Variants in BASP1 observed in about 807,000 individuals in gnomAD.
The protein encoded by BASP1 is brain acid soluble protein 1.
A neutral mutation model predicts 2.2 loss-of-function variants in BASP1; 1 was observed. That is an observed-to-expected ratio of 0.46 (90% CI 0.16 to 2.17). BASP1 has a LOEUF of 2.17. Among genes scored for constraint, BASP1 ranks in the 30% most tolerant of loss-of-function variants. The pLI, the probability that BASP1 is intolerant of heterozygous loss-of-function variation, is 0.27. For synonymous variants in BASP1, 187 were observed against 154.2 expected (o/e 1.21, Z -1.58); for missense variants, 352 against 327.2 (o/e 1.08, Z -0.58).
chr5:17,223,528 C>T lies in BASP1; in HGVS notation c.-10+5718C>T, dbSNP rs561924159. Among the ~76,000 whole-genome samples, 7 of 152,328 alleles carry T rather than the reference C, an allele frequency of 4.6e-5. No individual in the cohort carries two copies. The East Asian group carries it at 1.3e-3, about 29-fold the overall frequency. Reference sequence around the variant, plus strand: ...TAGAAGTCTGCGGTTTAGAAAACTCCTCCAGGTGTGGTTAAGAATACGCTA... The same window carrying T: ...TAGAAGTCTGCGGTTTAGAAAACTCTTCCAGGTGTGGTTAAGAATACGCTA... On this transcript the variant is annotated intron_variant, in intron 1 of 1. Transcript: ENST00000322611.
intron 1 of BASP1, among the ~76,000 whole-genome samples, chr5:17,222,466 G>C (rs1739410013): frequency 6.6e-6 from 1 of 152,182 alleles, no homozygotes; most frequent in Non-Finnish European, 1.5e-5. Flanking sequence ...CAGACGTCTA[G>C]GTAAGTGTCA....
At chr5:17,256,611 C>T (rs745818107) in intron 1 of BASP1, among the ~76,000 whole-genome samples, 1 of 152,312 alleles carries the variant, frequency 6.6e-6, no homozygotes, top group Admixed American at 6.5e-5. Context: ...GGGAGGTTAA[C>T]AGTGGCTTGT....
At chr5:17,271,688 T>C (rs1291059035) in intron 1 of BASP1, among the ~76,000 whole-genome samples, 1 of 152,220 alleles carries the variant, frequency 6.6e-6, no homozygotes, top group Non-Finnish European at 1.5e-5. Flanking sequence ...GCTGTATTTT[T>C]TTAACTGCTT....
chr5:17,224,346 T>C (rs918852070), intron 1 of BASP1, among the ~76,000 whole-genome samples: 1 of 148,912 alleles, frequency 6.7e-6, no homozygotes, highest in Non-Finnish European at 1.5e-5. Context: ...GATATAGTGG[T>C]TATGTCTTTT....
chr5:17,241,451 T>C (rs551861631), intron 1 of BASP1, among the ~76,000 whole-genome samples: 38 of 152,290 alleles, frequency 2.5e-4, no homozygotes, highest in Non-Finnish European at 3.4e-4. Context: ...ATTCTATTAT[T>C]ATCCCATTGT....
chr5:17,216,856 C>A (rs1217237029), upstream of BASP1: 1 of 152,506 alleles, frequency 6.6e-6, no homozygotes, highest in African/African-American at 2.4e-5. This position sits in a 1 kb window ranked among gnomAD's most constrained non-coding sequence, Gnocchi z 6.4. Flanking sequence ...AGCCCAGACG[C>A]GCCTGCAGCT....
rs746297820 is a variant in BASP1 at position 17,260,616 on chromosome 5, G to A, written c.-9-14592G>A. ...GATTTTTTTCTACTGCTGGTGAAAG[G>A]TAAGTTACATAACCCAACTTCTAGT... On this transcript the variant is annotated intron_variant, in intron 1 of 1. Coordinates refer to ENST00000322611, the MANE Select transcript of BASP1 (RefSeq NM_006317.5). This position sits in a 1 kb window ranked among gnomAD's most constrained non-coding sequence, Gnocchi z 4.2. 3.3e-5 allele frequency among the ~76,000 whole-genome samples: 5 copies of A among 152,064 alleles called. No homozygotes were observed. The highest frequency in any genetic ancestry group is 4.8e-5 in the African/African-American group (2 of 41,406).
chr5:17,269,926 TTTCTC>T (rs2126520245), intron 1 of BASP1, among the ~76,000 whole-genome samples: 1 of 152,318 alleles, frequency 6.6e-6, no homozygotes, highest in South Asian at 2.1e-4. Context: ...TCAAAACACT[TTTCTC>T]TTGTTTCCTT....
chr5:17,248,532 T>C (rs1740039472), intron 1 of BASP1, among the ~76,000 whole-genome samples: 1 of 152,220 alleles, frequency 6.6e-6, no homozygotes, highest in Middle Eastern at 3.2e-3. Flanking sequence ...GACATGACTC[T>C]CGGGTATGCT....
chr5:17,217,978 T>G (rs1739297908), intron 1 of BASP1, among the ~76,000 whole-genome samples, 168 bp downstream of exon 1: 1 of 151,736 alleles, frequency 6.6e-6, no homozygotes, highest in South Asian at 2.1e-4. Context: ...CTGTGAGGGC[T>G]CCGTCGCACT....
chr5:17,262,659 T>A (rs1052157190), intron 1 of BASP1, among the ~76,000 whole-genome samples: 1 of 152,232 alleles, frequency 6.6e-6, no homozygotes, highest in African/African-American at 2.4e-5. Flanking sequence ...CTGATCCTGA[T>A]CTCAACTAAT....
chr5:17,222,995 C>T (rs908053321), intron 1 of BASP1, among the ~76,000 whole-genome samples: 1 of 151,968 alleles, frequency 6.6e-6, no homozygotes, highest in African/African-American at 2.4e-5. Context: ...ACAATATTTT[C>T]CCCTTATCAC....
rs146517015 is a variant in BASP1 at position 17,272,828 on chromosome 5, T to C, written c.-9-2380T>C. Reference sequence around the variant, plus strand: ...TAAAACAAAGAATAGAATGTGGCCTTAACTATGTGTCAGAAAAGCCAGTTT... The same window carrying C: ...TAAAACAAAGAATAGAATGTGGCCTCAACTATGTGTCAGAAAAGCCAGTTT... On this transcript the variant is annotated intron_variant, in intron 1 of 1. Coordinates refer to ENST00000322611, the MANE Select transcript of BASP1 (RefSeq NM_006317.5). Among the ~76,000 whole-genome samples the C allele has an allele frequency of 3.2e-3, 485 of 152,332 alleles. 9 individuals are homozygous for C. The highest frequency in any genetic ancestry group is 1.4e-3 in the Non-Finnish European group (92 of 68,032).
At chr5:17,269,548 C>T (rs1740490166) in intron 1 of BASP1, among the ~76,000 whole-genome samples, 1 of 152,212 alleles carries the variant, frequency 6.6e-6, no homozygotes, top group Admixed American at 6.5e-5. Flanking sequence ...CTTCTCTCTT[C>T]ACCGAAAAGC....
intron 1 of BASP1, among the ~76,000 whole-genome samples, chr5:17,225,293 C>A (rs1243108208): frequency 4.0e-5 from 6 of 151,792 alleles, no homozygotes; most frequent in African/African-American, 1.2e-4. Flanking sequence ...CAGTCTGGAT[C>A]CTATATCCGT....
Position 17,276,748 on chromosome 5 carries a change from A to AC in BASP1, c.*848_*849insC, listed in dbSNP as rs1032502575. 13 of 166,686 alleles carry AC rather than the reference A, an allele frequency of 7.8e-5. No homozygotes were observed. The highest frequency in any genetic ancestry group is 4.2e-4 in the South Asian group (2 of 4,800). 10.3% of individuals were successfully genotyped at this position (166,686 alleles called of 1,614,324 possible). A position where few individuals can be genotyped will look rare whatever the true frequency, so the allele number is the denominator to read the frequency against. ...AAATGGAAAAAAAAAACAAAAAAAAAACAAAAAAATGTACAATGGATGCAT... is the reference window on the plus strand; with the variant it reads ...AAATGGAAAAAAAAAACAAAAAAAAACACAAAAAAATGTACAATGGATGCAT... On this transcript the variant is annotated 3_prime_UTR_variant, in exon 2 of 2. Coordinates refer to ENST00000322611, the MANE Select transcript of BASP1 (RefSeq NM_006317.5).
chr5:17,256,306 T>A (rs1740208782), intron 1 of BASP1, among the ~76,000 whole-genome samples: 1 of 152,254 alleles, frequency 6.6e-6, no homozygotes, highest in Non-Finnish European at 1.5e-5. Flanking sequence ...TGTCAGAATT[T>A]AGCTCACAGG....
At chr5:17,229,482 A>G (rs1739577438) in intron 1 of BASP1, among the ~76,000 whole-genome samples, 1 of 152,210 alleles carries the variant, frequency 6.6e-6, no homozygotes, top group Non-Finnish European at 1.5e-5. Context: ...AGTACAATAC[A>G]GGAAGCAAAA....
At chr5:17,253,974 A>G (rs1425236939) in intron 1 of BASP1, among the ~76,000 whole-genome samples, 1 of 152,104 alleles carries the variant, frequency 6.6e-6, no homozygotes, top group African/African-American at 2.4e-5. Context: ...ATTTTGGAAA[A>G]GCATTATAAG....
Sources: gnomAD v4.1 joint callset for allele counts (sites outside exome capture counted in the v4.1 genomes callset) on GRCh38, gnomAD v4.1.1 for gene constraint, Gnocchi (gnomAD v3.1) non-coding constraint, MANE v1.5 for transcripts, NCBI Gene and HGNC (gene_info 2026-07-23, HGNC 2026-07-21) for gene names.